Variants in LIMS1 observed in about 807,000 individuals in gnomAD.
LIMS1 encodes the protein LIM zinc finger domain containing 1.
A neutral mutation model predicts 44.1 loss-of-function variants in LIMS1; 18 were observed. The ratio of observed to expected loss-of-function variants is 0.41; its 90% CI spans 0.28 to 0.61. The LOEUF (loss-of-function observed/expected upper bound fraction) is 0.61. Ranked by LOEUF, LIMS1 falls within the 20% of genes least tolerant of loss-of-function variation. LIMS1 has a pLI of 0.32. For synonymous variants in LIMS1, 93 were observed against 149.1 expected, an observed-to-expected ratio of 0.62 and a Z score of 2.74; for missense variants, 201 against 422.0, an observed-to-expected ratio of 0.48 and a Z score of 4.59.
rs187455360 is a variant in LIMS1, at chr2:108,679,890, C to T, written c.824-805C>T. Among the ~76,000 whole-genome samples the T allele has an allele frequency of 2.6e-4, 40 of 151,820 alleles. No homozygotes were observed. The East Asian group carries it at 6.2e-3, about 24-fold the overall frequency. On this transcript the variant is annotated intron_variant, in intron 8 of 9. Coordinates refer to ENST00000544547, the Ensembl canonical transcript of LIMS1. ...CTGCAATACAGCCTGGACAACAGAGCGAGACCCTGTCTGAAAAACAAAAGA... is the reference window on the plus strand; with the variant it reads ...CTGCAATACAGCCTGGACAACAGAGTGAGACCCTGTCTGAAAAACAAAAGA...
intron 1 of LIMS1, among the ~76,000 whole-genome samples, chr2:108,633,184 G>T (rs187081433): frequency 1.2e-3 from 180 of 152,102 alleles, no homozygotes; most frequent in African/African-American, 3.9e-3. Context: ...TAATTGATTT[G>T]GTGAGGTTAT....
At chr2:108,595,002 A>G (rs1390154100) in intron 1 of LIMS1, among the ~76,000 whole-genome samples, 1 of 152,228 alleles carries the variant, frequency 6.6e-6, no homozygotes, top group East Asian at 1.9e-4. Context: ...CCTGAGATGG[A>G]AAGCTCTGTG....
intron 1 of LIMS1, among the ~76,000 whole-genome samples, chr2:108,634,985 C>A (rs1185705180): frequency 6.6e-6 from 1 of 152,310 alleles, no homozygotes; most frequent in East Asian, 1.9e-4. Flanking sequence ...CACAGAGGAA[C>A]CCAGGAGCTC....
exon 10 of LIMS1, chr2:108,686,188 G>A (rs141793399): frequency 0.03 from 4,453 of 150,114 alleles, 146 homozygotes; most frequent in South Asian, 0.14. Context: ...GCGTGGTGGC[G>A]GGCACCTGCA....
At chr2:108,685,148 T>A (rs1163080521) in exon 10 of LIMS1, 1 of 152,168 alleles carries the variant, frequency 6.6e-6, no homozygotes, top group African/African-American at 2.4e-5. Context: ...GATATGTGTT[T>A]CAGATTTTCC....
chr2:108,647,665 C>G (rs561678401), intron 1 of LIMS1, among the ~76,000 whole-genome samples: 1 of 152,290 alleles, frequency 6.6e-6, no homozygotes, highest in African/African-American at 2.4e-5. Flanking sequence ...TCAACATACG[C>G]AAATCAATAA....
At chr2:108,651,305 A>C (rs1156823835) in intron 1 of LIMS1, among the ~76,000 whole-genome samples, 1 of 152,188 alleles carries the variant, frequency 6.6e-6, no homozygotes, top group East Asian at 1.9e-4. Flanking sequence ...GGGAGAGGCT[A>C]ATGGGAAGGT....
chr2:108,676,286 T>G (rs1411901891), intron 6 of LIMS1, among the ~76,000 whole-genome samples: 4 of 152,256 alleles, frequency 2.6e-5, no homozygotes, highest in Non-Finnish European at 5.9e-5. Flanking sequence ...ATGTGTACTT[T>G]TGCTCCTAAA....
At chr2:108,651,252 ATTAT>A (rs1690464053) in intron 1 of LIMS1, among the ~76,000 whole-genome samples, 3 of 152,246 alleles carry the variant, frequency 2.0e-5, no homozygotes, top group African/African-American at 7.2e-5. Context: ...TTTGCCTTGT[ATTAT>A]TTATGCTGAG....
chr2:108,580,421 C>T (rs1685841405), intron 1 of LIMS1, among the ~76,000 whole-genome samples: 1 of 152,054 alleles, frequency 6.6e-6, no homozygotes, highest in Non-Finnish European at 1.5e-5. Flanking sequence ...GTGGTCAGGA[C>T]AACTAGATCT....
chr2:108,561,518 A>T (rs753639336), intron 1 of LIMS1, among the ~76,000 whole-genome samples: 1 of 152,132 alleles, frequency 6.6e-6, no homozygotes, highest in Non-Finnish European at 1.5e-5. Context: ...ATGTGTGTGT[A>T]GATGGAGAAA....
At chr2:108,663,302 T>G (rs1239536929) in intron 2 of LIMS1, among the ~76,000 whole-genome samples, 4 of 152,080 alleles carry the variant, frequency 2.6e-5, no homozygotes, top group Non-Finnish European at 5.9e-5. Flanking sequence ...AAATTTTTTT[T>G]GCAGAAACAG....
chr2:108,621,102 G>A (rs1688208856), intron 1 of LIMS1: 1 of 445,970 alleles, frequency 2.2e-6, no homozygotes, highest in African/African-American at 1.9e-5. Context: ...TAAGTAACCT[G>A]CCTTCTTGGT....
rs1427731878 is a variant in LIMS1 at position 108,676,021 on chromosome 2, AT to A, written c.675del (p.His225GlnfsTer47). On this transcript the variant is annotated frameshift_variant, in exon 6 of 10. Coordinates refer to ENST00000544547, the Ensembl canonical transcript of LIMS1. LOFTEE classifies it high-confidence loss of function. ...GTGAACGCTATGGGCAAGCAGTGGC[AT>A]GTGGAGGTGAGTTCTAAATGGCAAA... The A allele has an allele frequency of 8.7e-5, 141 of 1,613,154 alleles. No homozygotes were observed. Among genetic ancestry groups the A allele is most frequent in the Non-Finnish European group, 1.2e-4 (139 of 1,179,462 alleles).
intron 1 of LIMS1, among the ~76,000 whole-genome samples, chr2:108,587,060 TG>T (rs1214250100): frequency 3.3e-5 from 5 of 152,178 alleles, no homozygotes; most frequent in Admixed American, 1.3e-4. Context: ...AGGTGAAGCC[TG>T]TGAGGTTCCC....
intron 1 of LIMS1, among the ~76,000 whole-genome samples, chr2:108,645,689 A>G (rs1206735276): frequency 2.0e-5 from 3 of 152,152 alleles, no homozygotes; most frequent in Admixed American, 2.0e-4. Context: ...ATTAAAAGAC[A>G]CAGACTGGCA....
intron 1 of LIMS1, among the ~76,000 whole-genome samples, chr2:108,597,282 A>G (rs916851824): frequency 7.2e-5 from 11 of 152,144 alleles, no homozygotes; most frequent in African/African-American, 2.7e-4. Context: ...CATTCATAGA[A>G]GAAAATGCAC....
Position 108,587,293 on chromosome 2 carries a change from TGTGTGTGTGTGTGTGTGTG to T in LIMS1, c.32+52700_32+52718del, listed in dbSNP as rs1573379686. 1.6e-4 allele frequency among the ~76,000 whole-genome samples: 14 copies of T among 90,200 alleles called. No individual in the cohort carries two copies. In the East Asian group the frequency reaches 2.4e-3, roughly 15 times the overall value. The allele number at this position is 90,200 out of a possible 152,430, so 59.2% of individuals were successfully genotyped here. ...TGATGAGTTGTTTTCTTGGGGTTTG[TGTGTGTGTGTGTGTGTGTG>T]TGTGTGTGTGTGTGTGTGTGTGTGT... On this transcript the variant is annotated intron_variant, in intron 1 of 9. Coordinates refer to ENST00000544547, the Ensembl canonical transcript of LIMS1.
At chr2:108,615,046 T>C (rs1266279124) in intron 1 of LIMS1, among the ~76,000 whole-genome samples, 1 of 152,218 alleles carries the variant, frequency 6.6e-6, no homozygotes, top group Non-Finnish European at 1.5e-5. Flanking sequence ...TTTAGAAATA[T>C]GCTGAGCAGA....
Sources: gnomAD v4.1 joint callset for allele counts (sites outside exome capture counted in the v4.1 genomes callset) on GRCh38, gnomAD v4.1.1 for gene constraint, MANE v1.5 for transcripts, NCBI Gene and HGNC (gene_info 2026-07-23, HGNC 2026-07-21) for gene names.